SCHIP1: variants seen among roughly 807,000 people sequenced by gnomAD.
SCHIP1 encodes schwannomin-interacting protein 1.
SCHIP1 carries 8 observed loss-of-function variants against 29.7 expected under a neutral mutation model. The ratio of observed to expected loss-of-function variants is 0.27; its 90% CI spans 0.16 to 0.49. The LOEUF is 0.49. SCHIP1 is among the 20% of genes least tolerant of loss of function. The pLI is 0.99. For missense variants in SCHIP1, 193 were observed against 294.6 expected (o/e 0.66, Z 2.52); for synonymous variants, 76 against 94.9 (o/e 0.80, Z 1.16).
the SCHIP1 span, among the ~76,000 whole-genome samples, chr3:159,740,394 A>G: frequency 6.6e-6 from 1 of 151,942 alleles, no homozygotes; most frequent in Non-Finnish European, 1.5e-5. Flanking sequence ...GGAGTCACCT[A>G]AGGAACACTG....
At chr3:159,386,948 G>C in the SCHIP1 span, 1 of 155,166 alleles carries the variant, frequency 6.4e-6, no homozygotes, top group Non-Finnish European at 1.4e-5. Context: ...TGGCAGTGCA[G>C]CCCTGATCAA....
the SCHIP1 span, among the ~76,000 whole-genome samples, chr3:159,694,720 C>A: frequency 2.6e-5 from 4 of 152,138 alleles, no homozygotes; most frequent in Non-Finnish European, 5.9e-5. Context: ...CAAGAAAGGT[C>A]TTCTCTTGGG....
At chr3:159,285,881 CT>C in the SCHIP1 span, among the ~76,000 whole-genome samples, 1 of 152,080 alleles carries the variant, frequency 6.6e-6, no homozygotes, top group South Asian at 2.1e-4. Flanking sequence ...TTCCTATTCT[CT>C]TTAGTTTCTC....
At chr3:159,458,081 T>G in the SCHIP1 span, among the ~76,000 whole-genome samples, 2 of 152,222 alleles carry the variant, frequency 1.3e-5, no homozygotes, top group South Asian at 4.1e-4. Context: ...CATTTTATCA[T>G]GCACATACTT....
At chr3:159,425,289 G>C in the SCHIP1 span, among the ~76,000 whole-genome samples, 1 of 152,040 alleles carries the variant, frequency 6.6e-6, no homozygotes, top group African/African-American at 2.4e-5. Flanking sequence ...GCTGTATTCA[G>C]GAAACCCATC....
chr3:159,397,742 T>C, the SCHIP1 span, among the ~76,000 whole-genome samples: 1 of 152,332 alleles, frequency 6.6e-6, no homozygotes, highest in South Asian at 2.1e-4. Flanking sequence ...GACAGGGACA[T>C]TTAAGTCTAC....
the SCHIP1 span, among the ~76,000 whole-genome samples, chr3:159,757,592 T>C: frequency 6.6e-6 from 1 of 152,100 alleles, no homozygotes; most frequent in Non-Finnish European, 1.5e-5. Flanking sequence ...CTTCACTCAT[T>C]TACCTCACCC....
the SCHIP1 span, among the ~76,000 whole-genome samples, chr3:159,357,967 C>T: frequency 6.6e-6 from 1 of 152,198 alleles, no homozygotes; most frequent in African/African-American, 2.4e-5. Flanking sequence ...CCCCAAGGGG[C>T]ACACAGAGGG....
chr3:159,397,541 A>G, the SCHIP1 span, among the ~76,000 whole-genome samples: 1 of 152,078 alleles, frequency 6.6e-6, no homozygotes, highest in Non-Finnish European at 1.5e-5. Context: ...CTTCTAAAAG[A>G]TAGGACCCTC....
chr3:159,292,105 T>C, the SCHIP1 span, among the ~76,000 whole-genome samples: 1 of 152,102 alleles, frequency 6.6e-6, no homozygotes. Context: ...AAAACTTCCA[T>C]GTTATTTTAG....
the SCHIP1 span, among the ~76,000 whole-genome samples, chr3:159,535,700 C>T: frequency 6.6e-6 from 1 of 152,162 alleles, no homozygotes; most frequent in African/African-American, 2.4e-5. Flanking sequence ...ACTGTCATTA[C>T]AGAAGTAGTT....
the SCHIP1 span, among the ~76,000 whole-genome samples, chr3:159,817,411 C>T: frequency 6.6e-6 from 1 of 152,120 alleles, no homozygotes; most frequent in African/African-American, 2.4e-5. Context: ...AACCTGGACA[C>T]TGAATTGCAT....
chr3:159,577,568 T>C, the SCHIP1 span, among the ~76,000 whole-genome samples: 3 of 151,990 alleles, frequency 2.0e-5, no homozygotes, highest in Non-Finnish European at 4.4e-5. Flanking sequence ...AGGGTGGGAG[T>C]GATGCAACTG....
chr3:159,642,248 G>A, the SCHIP1 span, among the ~76,000 whole-genome samples: 1 of 152,118 alleles, frequency 6.6e-6, no homozygotes, highest in South Asian at 2.1e-4. Flanking sequence ...AGTATGAGTA[G>A]TGATAAGAGT....
At chr3:159,870,649 T>A (rs899397881) in intron 2 of SCHIP1, among the ~76,000 whole-genome samples, 3 of 152,024 alleles carry the variant, frequency 2.0e-5, no homozygotes, top group Admixed American at 6.6e-5. Context: ...GATACTAATA[T>A]TATAAATAAA....
the SCHIP1 span, among the ~76,000 whole-genome samples, chr3:159,320,361 C>T: frequency 3.9e-5 from 6 of 152,158 alleles, no homozygotes; most frequent in African/African-American, 1.4e-4. Flanking sequence ...AAGGCCCTCA[C>T]CAGAACCTGA....
the SCHIP1 span, among the ~76,000 whole-genome samples, chr3:159,494,101 C>G: frequency 6.6e-6 from 1 of 152,178 alleles, no homozygotes; most frequent in Non-Finnish European, 1.5e-5. Flanking sequence ...ATATTCAAAG[C>G]AGTGTGTAGA....
chr3:159,290,619 T>A, the SCHIP1 span, among the ~76,000 whole-genome samples: 1 of 151,896 alleles, frequency 6.6e-6, no homozygotes, highest in East Asian at 1.9e-4. Flanking sequence ...AAGAAAAAAA[T>A]TATTTCAGGT....
upstream of SCHIP1, among the ~76,000 whole-genome samples, chr3:159,838,143 A>G (rs1743855137): frequency 6.6e-6 from 1 of 152,212 alleles, no homozygotes; most frequent in Non-Finnish European, 1.5e-5. Flanking sequence ...GGCTGAAATG[A>G]GTGTGCTTGT....
Sources: allele counts gnomAD v4.1 joint callset (sites outside exome capture counted in the v4.1 genomes callset), GRCh38; gene constraint gnomAD v4.1.1; transcripts MANE v1.5; gene names NCBI Gene and HGNC (gene_info 2026-07-23, HGNC 2026-07-21).